Variants in TYW2 observed in about 807,000 individuals in gnomAD.
TYW2 encodes the protein tRNA wybutosine-synthesizing protein 2 homolog.
At chr8:124,451,969 C>T in the TYW2 span, 1 of 1,614,096 alleles carries the variant, frequency 6.2e-7, no homozygotes, top group Non-Finnish European at 8.5e-7. Context: ...GAAGAATCTT[C>T]AGGCTCTTGG....
At chr8:124,450,855 C>T in the TYW2 span, 5 of 1,524,788 alleles carry the variant, frequency 3.3e-6, no homozygotes, top group Non-Finnish European at 4.4e-6. Flanking sequence ...GAGCTGCAGG[C>T]TACCTTATTT....
At chr8:124,452,287 C>G in the TYW2 span, 1 of 1,609,154 alleles carries the variant, frequency 6.2e-7, no homozygotes, top group Non-Finnish European at 8.5e-7. Flanking sequence ...GAGGTAGATC[C>G]TGGGACACAT....
chr8:124,450,841 G>T, the TYW2 span: 4 of 1,472,448 alleles, frequency 2.7e-6, no homozygotes, highest in Non-Finnish European at 3.7e-6. Context: ...CGGCATGGCC[G>T]GGTGAGCTGC....
At chr8:124,451,061 C>T in the TYW2 span, 5 of 1,614,174 alleles carry the variant, frequency 3.1e-6, no homozygotes, top group Non-Finnish European at 4.2e-6. Flanking sequence ...CTCTTTGATA[C>T]ACAGCACCGT....
chr8:124,450,886 C>A, the TYW2 span: 1 of 1,569,358 alleles, frequency 6.4e-7, no homozygotes, highest in Non-Finnish European at 8.6e-7. Context: ...ATTTAGTCAG[C>A]CTGGTGAGCC....
the TYW2 span, chr8:124,451,865 G>C: frequency 1.2e-6 from 2 of 1,614,174 alleles, no homozygotes; most frequent in Non-Finnish European, 1.7e-6. Flanking sequence ...CTGATTCCCA[G>C]CTCTGAAGAA....
At chr8:124,452,360 C>A in the TYW2 span, 2 of 1,382,424 alleles carry the variant, frequency 1.4e-6, no homozygotes, top group South Asian at 2.8e-5. Flanking sequence ...TCCCTTTTGT[C>A]CCCTGGTGAT....
the TYW2 span, chr8:124,451,277 G>A: frequency 1.2e-6 from 2 of 1,614,166 alleles, no homozygotes; most frequent in Non-Finnish European, 1.7e-6. Context: ...TGGGTGGAGG[G>A]TCGGGGAGTC....
chr8:124,452,080 T>C, the TYW2 span: 15 of 1,614,056 alleles, frequency 9.3e-6, no homozygotes, highest in South Asian at 1.6e-4. Flanking sequence ...AAAAATGCTG[T>C]CACCAGCCAC....
At chr8:124,451,442 G>T in the TYW2 span, 1 of 1,614,180 alleles carries the variant, frequency 6.2e-7, no homozygotes, top group Non-Finnish European at 8.5e-7. Flanking sequence ...GGCGTCCAGC[G>T]TTTGGCAAAA....
the TYW2 span, chr8:124,452,243 T>C: frequency 1.2e-6 from 2 of 1,614,004 alleles, no homozygotes; most frequent in Non-Finnish European, 1.7e-6. Context: ...GTCCTGGATC[T>C]GGAATGCTGC....
At chr8:124,450,899 C>G in the TYW2 span, 1 of 1,592,888 alleles carries the variant, frequency 6.3e-7, no homozygotes, top group Non-Finnish European at 8.6e-7. Context: ...GGTGAGCCGA[C>G]TCTGAGGAGA....
chr8:124,452,146 C>G, the TYW2 span: 1 of 1,614,258 alleles, frequency 6.2e-7, no homozygotes, highest in Non-Finnish European at 8.5e-7. Flanking sequence ...CGCCACTCTT[C>G]TTCAGCAGGT....
At chr8:124,452,413 TC>T in the TYW2 span, 1 of 782,862 alleles carries the variant, frequency 1.3e-6, no homozygotes, top group South Asian at 2.1e-5. Flanking sequence ...AGGCTCTAGA[TC>T]AATTCAAATT....
At chr8:124,451,694 C>T in the TYW2 span, 2 of 1,614,202 alleles carry the variant, frequency 1.2e-6, no homozygotes, top group Non-Finnish European at 1.7e-6. Context: ...CTAGTTCATG[C>T]TGGTGCTGCC....
At chr8:124,452,311 G>A in the TYW2 span, 11 of 1,594,822 alleles carry the variant, frequency 6.9e-6, no homozygotes, top group South Asian at 2.3e-5. Flanking sequence ...ATCCACGTGC[G>A]AGTGGCCCTT....
At chr8:124,451,265 G>A in the TYW2 span, 3 of 1,614,186 alleles carry the variant, frequency 1.9e-6, no homozygotes, top group South Asian at 3.3e-5. Context: ...GAGGTGAGTC[G>A]CTGGGTGGAG....
chr8:124,451,650 C>G, the TYW2 span: 1 of 1,614,184 alleles, frequency 6.2e-7, no homozygotes, highest in Non-Finnish European at 8.5e-7. Context: ...TGGTGGATCT[C>G]TATGCAGGGA....
At chr8:124,452,184 T>C in the TYW2 span, 1 of 1,614,162 alleles carries the variant, frequency 6.2e-7, no homozygotes, top group Non-Finnish European at 8.5e-7. Flanking sequence ...AGACACAAAT[T>C]CTGCACATCC....
Sources: allele counts gnomAD v4.1 joint callset, GRCh38; gene constraint gnomAD v4.1.1; transcripts MANE v1.5; gene names NCBI Gene and HGNC (gene_info 2026-07-23, HGNC 2026-07-21).